Variants in ASMTL observed in about 807,000 individuals in gnomAD.
The protein encoded by ASMTL is acetylserotonin O-methyltransferase like.
A neutral mutation model predicts 60.3 loss-of-function variants in ASMTL; 57 were observed. The ratio of observed to expected loss-of-function variants is 0.95; its 90% CI spans 0.76 to 1.18. The LOEUF (loss-of-function observed/expected upper bound fraction) is 1.18. ASMTL is among the 50% of genes most tolerant of loss of function. The pLI, the probability that ASMTL is intolerant of heterozygous loss-of-function variation, is 0.00. For synonymous variants in ASMTL, 419 were observed against 373.0 expected, an observed-to-expected ratio of 1.12 and a Z score of -1.42; for missense variants, 981 against 852.6, an observed-to-expected ratio of 1.15 and a Z score of -1.88.
intron 1 of ASMTL, among the ~76,000 whole-genome samples, chrX:1,442,775 G>C (rs189767976): frequency 0.061 from 9,247 of 152,212 alleles, 914 homozygotes; most frequent in African/African-American, 0.21. Context: ...GGGAGACAAT[G>C]ATGGCTCTAC....
At chrX:1,435,365 T>C in intron 4 of ASMTL, 1 of 606,918 alleles carries the variant, frequency 1.6e-6, no homozygotes, top group Non-Finnish European at 2.9e-6. Context: ...CTCTTCCACG[T>C]CCTGGGATGG....
At chrX:1,444,986 C>T (rs1401655029) in intron 1 of ASMTL, among the ~76,000 whole-genome samples, 3 of 152,128 alleles carry the variant, frequency 2.0e-5, no homozygotes, top group Non-Finnish European at 4.4e-5. Context: ...CTTCGTCCGT[C>T]TTCTTCCCTC....
intron 1 of ASMTL, among the ~76,000 whole-genome samples, chrX:1,443,423 CACACCGCCATCTTGGACAG>C: frequency 2.2e-5 from 3 of 138,722 alleles, no homozygotes; most frequent in East Asian, 2.2e-4. Flanking sequence ...ATCTTGGACA[CACACCGCCATCTTGGACAG>C]ACACCGCCAT....
chrX:1,428,646 C>CAAATAAATAAATAAATAAATAAT (rs2090681537), intron 6 of ASMTL, among the ~76,000 whole-genome samples: 1 of 134,420 alleles, frequency 7.4e-6, no homozygotes, highest in Non-Finnish European at 1.6e-5. Context: ...GACTCCGTCT[C>CAAATAAATAAATAAATAAATAAT]AAATAAATAA....
rs186785499 is a variant in ASMTL at position 1,428,034 on chromosome X, G to C, written c.597C>G (p.Phe199Leu). 5.6e-6 allele frequency: 9 copies of C among 1,613,706 alleles called. No individual in the cohort carries two copies. Among genetic ancestry groups the C allele is most frequent in the Non-Finnish European group, 7.6e-6 (9 of 1,179,856 alleles). ...VHGDFLNVVG[F>L]PLNHFCKQLV... ...GCTGCTTGCAGAAGTGGTTCAGCGG[G>C]AATCCCACCACGTTCAGAAAGTCCC... is the stretch of plus-strand genomic sequence containing the variant. Residue 199 changes from phenylalanine to leucine, a missense_variant, in exon 7 of 13, where the codon TTC becomes TTG. Coordinates refer to ENST00000381317, the MANE Select transcript of ASMTL (RefSeq NM_004192.4).
At chrX:1,416,279 A>G (rs1486646575) in intron 11 of ASMTL, among the ~76,000 whole-genome samples, 2 of 150,752 alleles carry the variant, frequency 1.3e-5, no homozygotes, top group African/African-American at 2.5e-5. Flanking sequence ...AGATACACCA[A>G]CAGACAGGCA....
intron 8 of ASMTL, among the ~76,000 whole-genome samples, chrX:1,425,180 C>A (rs1305967181): frequency 6.6e-6 from 1 of 152,072 alleles, no homozygotes; most frequent in South Asian, 2.1e-4. Context: ...TCTGTCTACC[C>A]ATCCATCTAC....
In ASMTL at chrX:1,424,020, G is replaced by GTCCA. The variant is rs777625894; in HGVS notation, c.1060+1501_1060+1504dup. ...CATCCAATCACTCATCCATCCATCT[G>GTCCA]TCCATCCATCCATCCATCCACCCAC... On this transcript the variant is annotated intron_variant, in intron 8 of 12. Coordinates refer to ENST00000381317, the MANE Select transcript of ASMTL (RefSeq NM_004192.4). 1.2e-4 allele frequency among the ~76,000 whole-genome samples: 11 copies of GTCCA among 94,124 alleles called. 1 individual carries two copies. Among genetic ancestry groups the GTCCA allele is most frequent in the East Asian group, 3.1e-4 (1 of 3,204 alleles). The allele number at this position is 94,124 out of a possible 152,430, so 61.7% of individuals were successfully genotyped here. A position where few individuals can be genotyped will look rare whatever the true frequency, so the allele number is the denominator to read the frequency against.
At chrX:1,425,381 C>A (rs1433282628) in intron 8 of ASMTL, 144 bp downstream of exon 8, 2 of 1,002,188 alleles carry the variant, frequency 2.0e-6, no homozygotes, top group East Asian at 5.2e-5. Context: ...GCTTCTCAAC[C>A]TTTCGGGAAA....
chrX:1,430,083 C>G (rs191020520), intron 6 of ASMTL, among the ~76,000 whole-genome samples: 3 of 151,634 alleles, frequency 2.0e-5, no homozygotes, highest in African/African-American at 7.3e-5. Flanking sequence ...GGCGCGATCT[C>G]GGCTCACTGC....
Position 1,411,640 on chromosome X carries a change from A to T in ASMTL, c.1645+1092T>A, listed in dbSNP as rs148202028. On this transcript the variant is annotated intron_variant, in intron 12 of 12. Coordinates refer to ENST00000381317, the MANE Select transcript of ASMTL (RefSeq NM_004192.4). ...TTAGATCCAGCTGCAGAGTCCACTCATGCGTGGATTTCCCTCTGCCTCGGC... is the reference window on the plus strand; with the variant it reads ...TTAGATCCAGCTGCAGAGTCCACTCTTGCGTGGATTTCCCTCTGCCTCGGC... Among the ~76,000 whole-genome samples the T allele has an allele frequency of 1.7e-3, 57 of 34,196 alleles. 3 individuals are homozygous for T. The East Asian group carries it at 0.025, about 15-fold the overall frequency. 22.4% of individuals were successfully genotyped at this position (34,196 alleles called of 152,430 possible).
chrX:1,449,168 G>C, intron 1 of ASMTL, among the ~76,000 whole-genome samples: 1 of 152,174 alleles, frequency 6.6e-6, no homozygotes, highest in East Asian at 1.9e-4. Context: ...GAACACTCCT[G>C]ACCTAACTCA....
chrX:1,434,609 G>T (rs1166785037), intron 5 of ASMTL, among the ~76,000 whole-genome samples: 68 of 151,606 alleles, frequency 4.5e-4, no homozygotes, highest in African/African-American at 1.4e-3. Context: ...TTCGAGACCA[G>T]CCTGGCCAAC....
At chrX:1,437,115 C>G (rs1177845771) in intron 3 of ASMTL, among the ~76,000 whole-genome samples, 10 of 151,366 alleles carry the variant, frequency 6.6e-5, no homozygotes, top group Non-Finnish European at 1.5e-4. Context: ...CACAGAATAC[C>G]ACAGACTGGG....
chrX:1,427,133 C>T (rs2090634301), intron 7 of ASMTL, among the ~76,000 whole-genome samples: 1 of 151,680 alleles, frequency 6.6e-6, no homozygotes. Flanking sequence ...ACAGAAGAGA[C>T]ACAGACACAG....
chrX:1,424,322 C>T (rs1244345740), intron 8 of ASMTL, among the ~76,000 whole-genome samples: 1 of 134,364 alleles, frequency 7.4e-6, no homozygotes, highest in African/African-American at 2.8e-5. Flanking sequence ...CCATCCATTC[C>T]CCCACCCAGC....
rs778334789 is a variant in ASMTL, at chrX:1,414,710, CATAA to C, written c.1523-1860_1523-1857del. 3.2e-4 allele frequency among the ~76,000 whole-genome samples: 49 copies of C among 152,156 alleles called. No individual in the cohort carries two copies. The South Asian group carries it at 3.7e-3, about 12-fold the overall frequency. ...GTGACAGAGCGAGACACCATTCAAA[CATAA>C]ATAAATTTCAGCATTTCTGTCTCTG... On this transcript the variant is annotated intron_variant, in intron 11 of 12. Transcript: ENST00000381317.
chrX:1,452,929 G>C, upstream of ASMTL: 1 of 1,077,548 alleles, frequency 9.3e-7, no homozygotes, highest in Non-Finnish European at 1.3e-6. Context: ...CAGGCGGCCA[G>C]AGTCCCGCCT....
At chrX:1,450,463 C>T (rs1374887231) in intron 1 of ASMTL, among the ~76,000 whole-genome samples, 1 of 150,994 alleles carries the variant, frequency 6.6e-6, no homozygotes, top group East Asian at 1.9e-4. Flanking sequence ...TCTCCCCTCC[C>T]CCATTCCTAG....
Sources: allele counts gnomAD v4.1 joint callset (sites outside exome capture counted in the v4.1 genomes callset), GRCh38; gene constraint gnomAD v4.1.1; transcripts MANE v1.5; gene names NCBI Gene and HGNC (gene_info 2026-07-23, HGNC 2026-07-21).